Variants in ZSWIM7 observed in about 807,000 individuals in gnomAD.
The protein encoded by ZSWIM7 is zinc finger SWIM-type containing 7.
Under a neutral mutation model 21.1 loss-of-function variants are expected in ZSWIM7, and 22 were observed. The ratio of observed to expected loss-of-function variants is 1.04; its 90% CI spans 0.74 to 1.49. The LOEUF (loss-of-function observed/expected upper bound fraction) is 1.49, where lower values mean the gene tolerates loss of function less well. Among genes scored for constraint, ZSWIM7 ranks in the 40% most tolerant of loss-of-function variants. ZSWIM7 has a pLI of 0.00. For synonymous variants in ZSWIM7, 67 were observed against 66.5 expected, an observed-to-expected ratio of 1.01 and a Z score of -0.04; for missense variants, 193 against 168.0, an observed-to-expected ratio of 1.15 and a Z score of -0.82.
chr17:15,999,698 A>T lies in ZSWIM7; in HGVS notation c.-104T>A. Reference sequence around the variant, plus strand: ...TGACCCCCCGCCGGGGCAGGGCGAGACGGAGTGACGTCGGGGCGCGTCATC... The same window carrying T: ...TGACCCCCCGCCGGGGCAGGGCGAGTCGGAGTGACGTCGGGGCGCGTCATC... On this transcript the variant is annotated 5_prime_UTR_variant, in exon 1 of 5. Coordinates refer to ENST00000399277, the MANE Select transcript of ZSWIM7 (RefSeq NM_001042697.2). 6.4e-7 allele frequency: 1 copy of T among 1,554,720 alleles called. No homozygotes were observed. The highest frequency in any genetic ancestry group is 8.7e-7 in the Non-Finnish European group (1 of 1,149,234).
chr17:15,978,390 G>T (rs1970305165), intron 4 of ZSWIM7, among the ~76,000 whole-genome samples: 1 of 152,190 alleles, frequency 6.6e-6, no homozygotes, highest in African/African-American at 2.4e-5. Flanking sequence ...TTGAGATCAG[G>T]AGTTCGAGAC....
At chr17:15,980,064 G>A (rs1365345611) in intron 4 of ZSWIM7, among the ~76,000 whole-genome samples, 4 of 150,280 alleles carry the variant, frequency 2.7e-5, no homozygotes, top group Non-Finnish European at 5.9e-5. Context: ...CCCGGACGGG[G>A]CGGCTGGCCG....
chr17:15,996,771 A>G (rs192770304), intron 1 of ZSWIM7, among the ~76,000 whole-genome samples: 95 of 151,670 alleles, frequency 6.3e-4, no homozygotes, highest in African/African-American at 2.2e-3. Context: ...GGATCTCTTG[A>G]GCCTGGGAGG....
At chr17:15,994,555 T>G (rs1970525466) in intron 1 of ZSWIM7, among the ~76,000 whole-genome samples, 1 of 152,182 alleles carries the variant, frequency 6.6e-6, no homozygotes, top group African/African-American at 2.4e-5. Context: ...CCCAGTTCCC[T>G]CCACAGCTTT....
At chr17:15,988,135 ATATAG>A (rs1214570140) in intron 2 of ZSWIM7, among the ~76,000 whole-genome samples, 1 of 152,196 alleles carries the variant, frequency 6.6e-6, no homozygotes, top group Non-Finnish European at 1.5e-5. Flanking sequence ...GCATATACAT[ATATAG>A]TATTGTTTTA....
intron 1 of ZSWIM7, 143 bp downstream of exon 1, chr17:15,999,376 T>C: frequency 9.2e-7 from 1 of 1,091,670 alleles, no homozygotes; most frequent in East Asian, 2.6e-5. Flanking sequence ...TTTTTGTCTT[T>C]TTACGAACAA....
intron 2 of ZSWIM7, among the ~76,000 whole-genome samples, chr17:15,991,914 G>GT (rs1567571377): frequency 2.0e-5 from 1 of 49,526 alleles, no homozygotes; most frequent in African/African-American, 5.3e-5. Flanking sequence ...GTTTTTTTTT[G>GT]TTTGTTTTGT....
intron 3 of ZSWIM7, among the ~76,000 whole-genome samples, chr17:15,982,561 C>A (rs1284106914): frequency 2.0e-5 from 3 of 152,190 alleles, no homozygotes; most frequent in East Asian, 1.9e-4. Flanking sequence ...ACTGCAAGAA[C>A]AAACAGCAGG....
chr17:15,978,159 T>C lies in ZSWIM7; in HGVS notation c.311A>G (p.Lys104Arg). The C allele has an allele frequency of 1.2e-5, 19 of 1,613,130 alleles. No individual in the cohort carries two copies. The highest frequency in any genetic ancestry group is 1.6e-5 in the Non-Finnish European group (19 of 1,179,118). The change falls in exon 5 of 5, where the codon AAG (lysine) becomes AGG (arginine). Residue 104 changes from lysine to arginine, a missense_variant. By Grantham distance (26) the Lys-to-Arg change is conservative. Transcript: ENST00000399277. The stretch of plus-strand genomic sequence containing the variant: ...ACTCAGGTAAACTGCCAAGAGATGC[T>C]TGCACTGGAATATAAAACACACACA... ...VLRKSDSILC[K>R]HLLAVYLSQV...
At chr17:15,981,406 C>T (rs1229788548) in intron 3 of ZSWIM7, among the ~76,000 whole-genome samples, 1 of 151,558 alleles carries the variant, frequency 6.6e-6, no homozygotes, top group Non-Finnish European at 1.5e-5. Context: ...ATAAACCATT[C>T]TGTTCCTACG....
Position 15,999,530 on chromosome 17 carries a change from T to C in ZSWIM7, c.65A>G (p.Glu22Gly). 1 of 1,600,842 alleles carries C rather than the reference T, an allele frequency of 6.2e-7. No individual in the cohort carries two copies. Among genetic ancestry groups the C allele is most frequent in the East Asian group, 2.2e-5 (1 of 44,754 alleles). ...CCTCGGTCCCGTACTTCGCGCGCTC[T>C]CCTGCACCGCCGCCGCCATCTCGCT... Reference protein sequence around the residue: ...LLSEMAAAVQESARIPDEYLL... With the variant: ...LLSEMAAAVQGSARIPDEYLL... Residue 22 changes from glutamate to glycine, a missense_variant, in exon 1 of 5, where the codon GAG becomes GGG. Physicochemically the swap from Glu to Gly is moderately conservative, Grantham distance 98 (BLOSUM62 -2). Coordinates refer to ENST00000399277, the MANE Select transcript of ZSWIM7 (RefSeq NM_001042697.2).
rs762180165 is a variant in ZSWIM7, at chr17:15,999,341, A to C, written c.76+178T>G. ...AATCGATTTGACTTTTACTTGTTCC[A>C]ATTTCGCTTTTTTGTTGTTTTGTTT... On this transcript the variant is annotated intron_variant, in intron 1 of 4. Transcript: ENST00000399277. 4.2e-5 allele frequency: 34 copies of C among 818,304 alleles called. No homozygotes were observed. In the African/African-American group the frequency reaches 5.1e-4, roughly 12 times the overall value. The allele number at this position is 818,304 out of a possible 1,614,324, so 50.7% of individuals were successfully genotyped here. A position where few individuals can be genotyped will look rare whatever the true frequency, so the allele number is the denominator to read the frequency against.
intron 1 of ZSWIM7, 39 bp downstream of exon 1, chr17:15,999,480 G>A (rs1309392479): frequency 2.5e-6 from 4 of 1,590,556 alleles, no homozygotes; most frequent in Non-Finnish European, 3.4e-6. Flanking sequence ...TGCCCCGCCC[G>A]CGCCCATGGC....
chr17:15,994,993 A>G (rs896555248), intron 1 of ZSWIM7, among the ~76,000 whole-genome samples: 5 of 152,216 alleles, frequency 3.3e-5, no homozygotes, highest in African/African-American at 1.2e-4. Context: ...AAACAAACAG[A>G]AGAAAGTTAG....
intron 2 of ZSWIM7, among the ~76,000 whole-genome samples, chr17:15,988,196 T>C (rs970255615): frequency 6.6e-6 from 1 of 152,166 alleles, no homozygotes; most frequent in Non-Finnish European, 1.5e-5. Flanking sequence ...GTTCCTGAAA[T>C]AGCTCATGAA....
chr17:15,982,807 C>A (rs994396787), intron 3 of ZSWIM7, among the ~76,000 whole-genome samples: 1 of 152,026 alleles, frequency 6.6e-6, no homozygotes, highest in Non-Finnish European at 1.5e-5. Flanking sequence ...TGCGCCACCA[C>A]CCTATGCTAA....
intron 4 of ZSWIM7, among the ~76,000 whole-genome samples, chr17:15,979,830 ACCCCC>A (rs1284656050): frequency 5.0e-4 from 34 of 68,522 alleles, no homozygotes; most frequent in African/African-American, 1.9e-3. Flanking sequence ...CGGGGGGCTG[ACCCCC>A]CCACCTCCCT....
chr17:15,995,485 C>G (rs1406225155), intron 1 of ZSWIM7, among the ~76,000 whole-genome samples: 2 of 150,998 alleles, frequency 1.3e-5, no homozygotes, highest in Non-Finnish European at 2.9e-5. Context: ...TGGTCTCGAA[C>G]TCCCGACTTC....
intron 1 of ZSWIM7, among the ~76,000 whole-genome samples, chr17:15,994,489 G>A (rs1180275586): frequency 6.6e-6 from 1 of 152,186 alleles, no homozygotes; most frequent in Non-Finnish European, 1.5e-5. Context: ...CATTAGGGGT[G>A]AAACAGGGAT....
Sources: gnomAD v4.1 joint callset for allele counts (sites outside exome capture counted in the v4.1 genomes callset) on GRCh38, gnomAD v4.1.1 for gene constraint, MANE v1.5 for transcripts, NCBI Gene and HGNC (gene_info 2026-07-23, HGNC 2026-07-21) for gene names.